Variants in PLS1 observed in about 807,000 individuals in gnomAD.
PLS1 encodes the protein plastin 1, also known as plastin-1.
Under a neutral mutation model 73.7 loss-of-function variants are expected in PLS1, and 32 were observed. That is an observed-to-expected ratio of 0.43 (90% CI 0.33 to 0.58). PLS1 has a LOEUF of 0.58. Ranked by LOEUF, PLS1 falls within the 20% of genes least tolerant of loss-of-function variation. The pLI is 0.04. For missense variants in PLS1, 633 were observed against 740.5 expected (o/e 0.85, Z 1.68); for synonymous variants, 217 against 261.3 (o/e 0.83, Z 1.63).
At chr3:142,631,956 A>C (rs2036574270) in intron 1 of PLS1, among the ~76,000 whole-genome samples, 1 of 152,220 alleles carries the variant, frequency 6.6e-6, no homozygotes, top group Non-Finnish European at 1.5e-5. Flanking sequence ...AGAAGATATT[A>C]GTAAATCATA....
At chr3:142,676,510 G>T (rs1436677716) in intron 5 of PLS1, among the ~76,000 whole-genome samples, 1 of 152,006 alleles carries the variant, frequency 6.6e-6, no homozygotes, top group African/African-American at 2.4e-5. Flanking sequence ...TGCCTTTTAC[G>T]TGTATTACTA....
At chr3:142,599,619 G>A (rs1282854993) in intron 1 of PLS1, among the ~76,000 whole-genome samples, 3 of 151,994 alleles carry the variant, frequency 2.0e-5, no homozygotes, top group African/African-American at 4.8e-5. Context: ...GTGAGCCACC[G>A]CGCCCGGCCA....
intron 1 of PLS1, among the ~76,000 whole-genome samples, chr3:142,652,993 T>C (rs1405181372): frequency 6.6e-6 from 1 of 152,186 alleles, no homozygotes; most frequent in African/African-American, 2.4e-5. Context: ...GAAAGTTATT[T>C]CTTCTAAGTC....
At chr3:142,603,388 C>T (rs2035960262) in intron 1 of PLS1, among the ~76,000 whole-genome samples, 4 of 152,170 alleles carry the variant, frequency 2.6e-5, no homozygotes, top group Admixed American at 2.6e-4. Context: ...CAGAGTTAGA[C>T]ATAGCTTTGT....
chr3:142,603,642 C>T (rs1050923358), intron 1 of PLS1, among the ~76,000 whole-genome samples: 5 of 152,016 alleles, frequency 3.3e-5, no homozygotes, highest in East Asian at 1.9e-4. Flanking sequence ...CATGGTGGCG[C>T]GTGCCTGTAG....
chr3:142,668,815 C>T (rs1252971959), intron 2 of PLS1, among the ~76,000 whole-genome samples: 2 of 151,684 alleles, frequency 1.3e-5, no homozygotes, highest in African/African-American at 2.4e-5. Context: ...TTGACCAGGC[C>T]GATCTCAAAC....
At chr3:142,685,982 TTGACC>T (rs1172323987) in intron 8 of PLS1, among the ~76,000 whole-genome samples, 1 of 152,178 alleles carries the variant, frequency 6.6e-6, no homozygotes, top group Non-Finnish European at 1.5e-5. Flanking sequence ...GAGATAATAC[TTGACC>T]TGAATCTTAA....
intron 10 of PLS1, among the ~76,000 whole-genome samples, chr3:142,690,806 C>T (rs2038069816): frequency 6.6e-6 from 1 of 152,094 alleles, no homozygotes; most frequent in South Asian, 2.1e-4. Context: ...CATTTGTTTC[C>T]CAGCCTTTCT....
intron 1 of PLS1, among the ~76,000 whole-genome samples, chr3:142,609,779 G>T (rs1391015458): frequency 1.3e-5 from 2 of 152,170 alleles, no homozygotes; most frequent in African/African-American, 4.8e-5. Context: ...TTGTGGATAT[G>T]GTTATACCTT....
At chr3:142,673,228 G>A (rs748655247) in intron 4 of PLS1, among the ~76,000 whole-genome samples, 42 of 152,034 alleles carry the variant, frequency 2.8e-4, no homozygotes, top group Non-Finnish European at 4.4e-4. Flanking sequence ...TCTATCTTTT[G>A]TAGAGATGGG....
intron 10 of PLS1, among the ~76,000 whole-genome samples, chr3:142,693,606 A>T (rs1359471305): frequency 6.6e-6 from 1 of 152,168 alleles, no homozygotes; most frequent in Non-Finnish European, 1.5e-5. Context: ...GTTACTTAGA[A>T]CTATTTGCAG....
chr3:142,646,566 A>G (rs967034881), intron 1 of PLS1, among the ~76,000 whole-genome samples: 59 of 152,382 alleles, frequency 3.9e-4, no homozygotes, highest in African/African-American at 1.3e-3. Flanking sequence ...AGGCATGGGC[A>G]TGTTGCTGAA....
At chr3:142,640,311 C>T (rs2036803171) in intron 1 of PLS1, among the ~76,000 whole-genome samples, 1 of 152,100 alleles carries the variant, frequency 6.6e-6, no homozygotes, top group Admixed American at 6.6e-5. Flanking sequence ...TGGGTTCATA[C>T]AACAAATTTT....
chr3:142,632,646 TG>T (rs1337215020), intron 1 of PLS1, among the ~76,000 whole-genome samples: 2 of 151,754 alleles, frequency 1.3e-5, no homozygotes, highest in Non-Finnish European at 2.9e-5. Flanking sequence ...TCACCCAGGC[TG>T]GAGTGCTGTG....
intron 1 of PLS1, among the ~76,000 whole-genome samples, chr3:142,616,722 C>T (rs775126441): frequency 6.6e-6 from 1 of 152,128 alleles, no homozygotes; most frequent in Non-Finnish European, 1.5e-5. Flanking sequence ...CCTGTCTCAG[C>T]CTCCCAAGTA....
At chr3:142,707,465 T>C (rs2038487041) in intron 14 of PLS1, among the ~76,000 whole-genome samples, 1 of 152,230 alleles carries the variant, frequency 6.6e-6, no homozygotes, top group Non-Finnish European at 1.5e-5. Flanking sequence ...ACACATTGTT[T>C]AATTTTCTAA....
intron 2 of PLS1, among the ~76,000 whole-genome samples, chr3:142,666,074 C>T (rs755708818): frequency 3.5e-4 from 53 of 152,224 alleles, no homozygotes; most frequent in African/African-American, 1.0e-3. Flanking sequence ...TAGAGGAACA[C>T]GGCCATCCAA....
chr3:142,602,572 C>T (rs1293636354), intron 1 of PLS1, among the ~76,000 whole-genome samples: 1 of 151,900 alleles, frequency 6.6e-6, no homozygotes, highest in East Asian at 1.9e-4. Flanking sequence ...CAGGAAAGGC[C>T]CCAGGTCAAA....
chr3:142,683,572 T>C (rs898937132), intron 6 of PLS1, among the ~76,000 whole-genome samples: 1 of 152,238 alleles, frequency 6.6e-6, no homozygotes, highest in African/African-American at 2.4e-5. Flanking sequence ...CTTTCCACTG[T>C]GGAAACTGTC....
Sources: allele counts gnomAD v4.1 joint callset (sites outside exome capture counted in the v4.1 genomes callset), GRCh38; gene constraint gnomAD v4.1.1; transcripts MANE v1.5; gene names NCBI Gene and HGNC (gene_info 2026-07-23, HGNC 2026-07-21).